MCPH1: variants seen among roughly 807,000 people sequenced by gnomAD.
The protein encoded by MCPH1 is microcephalin.
MCPH1 carries 104 observed loss-of-function variants against 84.5 expected under a neutral mutation model. That is an observed-to-expected ratio of 1.23 (90% CI 1.05 to 1.45). The LOEUF is 1.45. Among genes scored for constraint, MCPH1 ranks in the 40% most tolerant of loss-of-function variants. The probability of loss-of-function intolerance (pLI) is 0.00; values close to 1 mark genes in which losing one functional copy is unlikely to be tolerated. For missense variants in MCPH1, 1,498 were observed against 1,005.7 expected (o/e 1.49, Z -6.62); for synonymous variants, 514 against 366.8 (o/e 1.40, Z -4.58).
At chr8:6,595,636 C>G (rs1190701794) in intron 12 of MCPH1, among the ~76,000 whole-genome samples, 1 of 152,240 alleles carries the variant, frequency 6.6e-6, no homozygotes, top group East Asian at 1.9e-4. Flanking sequence ...TTCAGAGCAT[C>G]GTTCCAGCTG....
chr8:6,460,496 G>A (rs768473927), intron 9 of MCPH1, among the ~76,000 whole-genome samples: 3 of 151,862 alleles, frequency 2.0e-5, no homozygotes, highest in Non-Finnish European at 2.9e-5. Flanking sequence ...GATTACAGGC[G>A]GGAGCCTTCA....
intron 1 of MCPH1, among the ~76,000 whole-genome samples, chr8:6,408,633 A>G (rs1407426785): frequency 2.0e-5 from 3 of 151,250 alleles, no homozygotes; most frequent in Non-Finnish European, 2.9e-5. Context: ...CCTGGGCTCT[A>G]GGGATTCTCC....
In MCPH1 at chr8:6,532,271, C is replaced by T. The variant is rs565609666; in HGVS notation, c.2214+32342C>T. On this transcript the variant is annotated intron_variant, in intron 12 of 13. Coordinates refer to ENST00000344683, the MANE Select transcript of MCPH1 (RefSeq NM_024596.5). ...ATGCCTTCATTGAGGAAGCTCCTGA[C>T]GCGACTGAGTGCTAGTCTCTAGCTG... is the stretch of plus-strand genomic sequence containing the variant. 1.3e-4 allele frequency: 204 copies of T among 1,595,332 alleles called. 1 individual carries two copies. The South Asian group carries it at 1.4e-3, about 11-fold the overall frequency.
chr8:6,418,644 G>A (rs140585584), intron 3 of MCPH1, among the ~76,000 whole-genome samples: 59 of 152,050 alleles, frequency 3.9e-4, no homozygotes, highest in African/African-American at 1.2e-3. Context: ...GTGCAGTGGC[G>A]CGATCTGTGC....
intron 13 of MCPH1, among the ~76,000 whole-genome samples, chr8:6,634,521 C>A (rs1797401382): frequency 6.6e-6 from 1 of 152,194 alleles, no homozygotes; most frequent in Non-Finnish European, 1.5e-5. Context: ...ATGCAGCAGG[C>A]ACGCATAAGT....
At chr8:6,628,572 C>T (rs945033753) in intron 13 of MCPH1, among the ~76,000 whole-genome samples, 1 of 148,840 alleles carries the variant, frequency 6.7e-6, no homozygotes, top group African/African-American at 2.5e-5. Context: ...ATATTGTAGA[C>T]AAGGCAACAT....
At chr8:6,617,636 G>T (rs1443826030) in intron 12 of MCPH1, among the ~76,000 whole-genome samples, 2 of 151,804 alleles carry the variant, frequency 1.3e-5, no homozygotes, top group Non-Finnish European at 2.9e-5. Flanking sequence ...TGTGTGTAAA[G>T]GTTTGCAATG....
At chr8:6,494,075 G>C (rs944772348) in intron 11 of MCPH1, 2 of 152,060 alleles carry the variant, frequency 1.3e-5, no homozygotes, top group Non-Finnish European at 2.9e-5. Context: ...TGAGTAGCTG[G>C]GATTACAGGT....
intron 13 of MCPH1, among the ~76,000 whole-genome samples, chr8:6,632,686 G>A (rs1011942071): frequency 6.6e-6 from 1 of 152,140 alleles, no homozygotes; most frequent in African/African-American, 2.4e-5. Flanking sequence ...GCACGTGCCT[G>A]TAGTCCCAGC....
rs1809127706 is a variant in MCPH1 at position 6,480,831 on chromosome 8, G to A, written c.2091G>A (p.Val697=). Reference sequence around the variant, plus strand: ...GGAAGCCACTTCGCACCCTGAATGTGCTGCTGGGAATTGCGCGTGGCTGCT... The same window carrying A: ...GGAAGCCACTTCGCACCCTGAATGTACTGCTGGGAATTGCGCGTGGCTGCT... ...LSGKPLRTLN[V]LLGIARGCWV... Residue 697 remains valine (V), a synonymous_variant, in exon 11 of 14, where the codon GTG becomes GTA. Transcript: ENST00000344683. The A allele has an allele frequency of 5.6e-6, 9 of 1,614,208 alleles. No individual in the cohort carries two copies. Among genetic ancestry groups the A allele is most frequent in the Non-Finnish European group, 7.6e-6 (9 of 1,180,046 alleles).
chr8:6,632,854 A>C (rs1184316215), intron 13 of MCPH1, among the ~76,000 whole-genome samples: 1 of 152,130 alleles, frequency 6.6e-6, no homozygotes, highest in African/African-American at 2.4e-5. Flanking sequence ...TATTTCATCA[A>C]GTCAAATTTG....
chr8:6,441,726 T>G (rs781103049), intron 6 of MCPH1, among the ~76,000 whole-genome samples: 1 of 152,212 alleles, frequency 6.6e-6, no homozygotes, highest in Non-Finnish European at 1.5e-5. Flanking sequence ...TCACTGGCGA[T>G]ATCCAAAAAT....
intron 12 of MCPH1, among the ~76,000 whole-genome samples, chr8:6,550,330 G>C (rs1586568571): frequency 6.6e-6 from 1 of 152,212 alleles, no homozygotes; most frequent in African/African-American, 2.4e-5. Context: ...GGTCCTGGGA[G>C]TGAGGCAGTG....
chr8:6,530,635 G>A (rs1819315643), intron 12 of MCPH1, among the ~76,000 whole-genome samples: 1 of 151,634 alleles, frequency 6.6e-6, no homozygotes, highest in African/African-American at 2.4e-5. Flanking sequence ...GACTTCCTAA[G>A]ATTTAAATTT....
chr8:6,407,173 G>T (rs949876682), intron 1 of MCPH1: 1 of 214,388 alleles, frequency 4.7e-6, no homozygotes, highest in Non-Finnish European at 9.5e-6. Flanking sequence ...GGCCCTCCTG[G>T]GTCTGGTCCT....
chr8:6,442,742 T>TA (rs1041070466), intron 7 of MCPH1, among the ~76,000 whole-genome samples: 2 of 152,194 alleles, frequency 1.3e-5, no homozygotes, highest in Admixed American at 1.3e-4. Context: ...CTTCACCTAG[T>TA]CCCCAGTGGG....
intron 11 of MCPH1, among the ~76,000 whole-genome samples, chr8:6,499,016 C>T (rs1207126223): frequency 6.6e-6 from 1 of 151,802 alleles, no homozygotes; most frequent in Non-Finnish European, 1.5e-5. Context: ...TGCACCACTG[C>T]ACTCCAGCCT....
intron 12 of MCPH1, among the ~76,000 whole-genome samples, chr8:6,512,348 C>G (rs1276808920): frequency 6.6e-6 from 1 of 152,176 alleles, no homozygotes; most frequent in East Asian, 1.9e-4. Flanking sequence ...CATTGTGTCT[C>G]CTTTCAGACT....
At chr8:6,498,546 G>C (rs1026401772) in intron 11 of MCPH1, among the ~76,000 whole-genome samples, 1 of 152,106 alleles carries the variant, frequency 6.6e-6, no homozygotes, top group Non-Finnish European at 1.5e-5. Flanking sequence ...TAAATTTAGA[G>C]GACATAAATT....
Sources: gnomAD v4.1 joint callset for allele counts (sites outside exome capture counted in the v4.1 genomes callset) on GRCh38, gnomAD v4.1.1 for gene constraint, MANE v1.5 for transcripts, NCBI Gene and HGNC (gene_info 2026-07-23, HGNC 2026-07-21) for gene names.